The following ZDHHC18 variants were observed in gnomAD, a reference collection of about 807,000 sequenced individuals.
The protein encoded by ZDHHC18 is palmitoyltransferase ZDHHC18.
In ZDHHC18, 23 loss-of-function variants were observed where a neutral mutation model predicts 37.5. That is an observed-to-expected ratio of 0.61 (90% CI 0.44 to 0.87). ZDHHC18 has a LOEUF of 0.87. Ranked by LOEUF, ZDHHC18 falls within the 40% of genes least tolerant of loss-of-function variation. The probability of loss-of-function intolerance (pLI) is 0.00; values close to 1 mark genes in which losing one functional copy is unlikely to be tolerated. For synonymous variants in ZDHHC18, 185 were observed against 218.7 expected (o/e 0.85, Z 1.36); for missense variants, 406 against 525.6 (o/e 0.77, Z 2.22).
intron 2 of ZDHHC18, among the ~76,000 whole-genome samples, chr1:26,845,631 C>A (rs542975368): frequency 1.1e-3 from 162 of 152,050 alleles, no homozygotes; most frequent in Non-Finnish European, 2.0e-3. Context: ...CCGCGCCCGG[C>A]CTCATTCTTT....
At chr1:26,851,330 G>C (rs2081703137) in intron 6 of ZDHHC18, 99 bp downstream of exon 6, 3 of 1,145,246 alleles carry the variant, frequency 2.6e-6, no homozygotes, top group South Asian at 2.5e-5. Context: ...CCTGACTCAC[G>C]GACTGCTGGG....
At position 26,826,933 on chromosome 1, in the gene ZDHHC18, C is replaced by G. The variant is rs1195705710; in HGVS notation, c.129C>G (p.Pro43=). The G allele has an allele frequency of 3.6e-6, 4 of 1,096,830 alleles. No individual in the cohort carries two copies. The highest frequency in any genetic ancestry group is 3.3e-6 in the Non-Finnish European group (3 of 902,324). The allele number at this position is 1,096,830 out of a possible 1,614,324, so 67.9% of individuals were successfully genotyped here. ...CCGGGCCCGCGCCGCCCGCCGCCCC[C>G]GCCCCGCCGCGCTGGAGCAGCAGCG... ...PGPGPAPPAA[P]APPRWSSSGS... The change falls in exon 1 of 8, where the codon CCC becomes CCG. Residue 43 remains proline, a synonymous_variant. Coordinates refer to ENST00000374142, the MANE Select transcript of ZDHHC18 (RefSeq NM_032283.3). The surrounding 1 kb of genome is among the most constrained non-coding windows in gnomAD (Gnocchi z 5.2).
Position 26,836,572 on chromosome 1 carries a change from CT to C in ZDHHC18, c.496+3979del, listed in dbSNP as rs753110980. 3.8e-3 allele frequency among the ~76,000 whole-genome samples: 525 copies of C among 139,322 alleles called. 1 individual carries two copies. Among genetic ancestry groups the C allele is most frequent in the African/African-American group, 0.01 (384 of 38,142 alleles). The allele number at this position is 139,322 out of a possible 152,430, so 91.4% of individuals were successfully genotyped here. ...TTCATTTCTTTTTTTTTCTTTTTTTCTTTTTTTTTTTTTTGAGACGGAGTCT... is the reference window on the plus strand; with the variant it reads ...TTCATTTCTTTTTTTTTCTTTTTTTCTTTTTTTTTTTTTGAGACGGAGTCT... On this transcript the variant is annotated intron_variant, in intron 2 of 7. Transcript: ENST00000374142.
Position 26,839,701 on chromosome 1 carries a change from C to T in ZDHHC18, c.496+7094C>T, listed in dbSNP as rs565296443. ...AGGAATGTCAGCACACTTTGTAAGT[C>T]ACTTTTCTCTATTGAAACTGAAGAG... On this transcript the variant is annotated intron_variant, in intron 2 of 7. Coordinates refer to ENST00000374142, the MANE Select transcript of ZDHHC18 (RefSeq NM_032283.3). 3.3e-5 allele frequency among the ~76,000 whole-genome samples: 5 copies of T among 152,358 alleles called. No homozygotes were observed. The South Asian group carries it at 1.0e-3, about 32-fold the overall frequency.
chr1:26,847,312 A>AATG (rs1339829642), intron 2 of ZDHHC18, among the ~76,000 whole-genome samples: 10 of 152,090 alleles, frequency 6.6e-5, no homozygotes, highest in Admixed American at 6.6e-4. Flanking sequence ...CCTGGGCTCA[A>AATG]ATGATCCTCC....
intron 2 of ZDHHC18, among the ~76,000 whole-genome samples, chr1:26,839,764 C>T (rs997690725): frequency 6.6e-6 from 1 of 152,196 alleles, no homozygotes; most frequent in Non-Finnish European, 1.5e-5. Flanking sequence ...AGTGGACTTG[C>T]TCCAGGTGCT....
rs2081592373 is a variant in ZDHHC18 at position 26,832,443 on chromosome 1, C to T, written c.336-4C>T. 1 of 1,614,054 alleles carries T rather than the reference C, an allele frequency of 6.2e-7. No homozygotes were observed. Among genetic ancestry groups the T allele is most frequent in the Non-Finnish European group, 8.5e-7 (1 of 1,179,950 alleles). On this transcript the variant is annotated splice_polypyrimidine_tract_variant and splice_region_variant and intron_variant, in intron 1 of 7. Coordinates refer to ENST00000374142, the MANE Select transcript of ZDHHC18 (RefSeq NM_032283.3). ...TGCTGATCTCTCTCCATCTCTCGTT[C>T]TAGCTGTCCCTACCTGGCTCGCAAG...
intron 2 of ZDHHC18, among the ~76,000 whole-genome samples, chr1:26,846,272 A>ATGTGTGTGTGTGTGTGTG (rs1233342256): frequency 1.2e-4 from 10 of 84,954 alleles, no homozygotes; most frequent in South Asian, 4.1e-4. Context: ...ATAGAGATAT[A>ATGTGTGTGTGTGTGTGTG]TGTGTGTGTG....
chr1:26,852,227 G>T (rs2081708444), intron 6 of ZDHHC18, among the ~76,000 whole-genome samples: 1 of 152,228 alleles, frequency 6.6e-6, no homozygotes, highest in African/African-American at 2.4e-5. Flanking sequence ...CTAGGTTAAA[G>T]TCAAGGTATT....
At chr1:26,837,491 A>ATTTT (rs1480135517) in intron 2 of ZDHHC18, among the ~76,000 whole-genome samples, 2 of 142,758 alleles carry the variant, frequency 1.4e-5, no homozygotes, top group African/African-American at 5.0e-5. Flanking sequence ...TTATTTATTT[A>ATTTT]TTTTTTGAGA....
intron 2 of ZDHHC18, among the ~76,000 whole-genome samples, chr1:26,844,229 G>C (rs1395895430): frequency 6.6e-6 from 1 of 152,008 alleles, no homozygotes; most frequent in African/African-American, 2.4e-5. Context: ...TGTAGAGATG[G>C]GGTTTCACCA....
intron 2 of ZDHHC18, among the ~76,000 whole-genome samples, chr1:26,847,767 C>T (rs2081679323): frequency 6.6e-6 from 1 of 151,294 alleles, no homozygotes; most frequent in African/African-American, 2.4e-5. Flanking sequence ...CTGCAGCCTT[C>T]ACCCCCTGGG....
Position 26,856,094 on chromosome 1 carries a change from G to A in ZDHHC18, c.*2251G>A, listed in dbSNP as rs184423112. ...GACAGTAGATTCCAGTTTGAGAGCC[G>A]GAGCTTCCCTGGCTACCACCTCCAA... On this transcript the variant is annotated 3_prime_UTR_variant, in exon 8 of 8. Coordinates refer to ENST00000374142, the MANE Select transcript of ZDHHC18 (RefSeq NM_032283.3). This position sits in a 1 kb window ranked among gnomAD's most constrained non-coding sequence, Gnocchi z 5.2. The A allele has an allele frequency of 2.6e-4, 106 of 412,000 alleles. No homozygotes were observed. The highest frequency in any genetic ancestry group is 1.2e-3 in the African/African-American group (58 of 49,312). 25.5% of individuals were successfully genotyped at this position (412,000 alleles called of 1,614,324 possible).
chr1:26,840,784 G>T (rs773842505), intron 2 of ZDHHC18, among the ~76,000 whole-genome samples: 1 of 151,966 alleles, frequency 6.6e-6, no homozygotes, highest in Non-Finnish European at 1.5e-5. Flanking sequence ...ACACAGCCTC[G>T]CTCTGTCACC....
At chr1:26,830,094 C>A (rs76405493) in intron 1 of ZDHHC18, among the ~76,000 whole-genome samples, 2,260 of 152,338 alleles carry the variant, frequency 0.015, 51 homozygotes, top group African/African-American at 0.05. Flanking sequence ...AGGGGAAGGG[C>A]TTCTCTGAAG....
Position 26,850,458 on chromosome 1 carries a change from A to G in ZDHHC18, c.784+20A>G. The G allele has an allele frequency of 6.2e-7, 1 of 1,614,202 alleles. No individual in the cohort carries two copies. The highest frequency in any genetic ancestry group is 1.1e-5 in the South Asian group (1 of 91,086). ...CGTTGCGTGAGTTGTGGGTGAGGGC[A>G]GTGGGGAGTGGAAGGGGTCAGCCAG... On this transcript the variant is annotated intron_variant, in intron 4 of 7. Coordinates refer to ENST00000374142, the MANE Select transcript of ZDHHC18 (RefSeq NM_032283.3). This position sits in a 1 kb window ranked among gnomAD's most constrained non-coding sequence, Gnocchi z 6.1.
intron 2 of ZDHHC18, among the ~76,000 whole-genome samples, chr1:26,842,514 C>G (rs1326615500): frequency 1.3e-5 from 2 of 152,228 alleles, no homozygotes; most frequent in Non-Finnish European, 2.9e-5. Flanking sequence ...GCTATTCTAC[C>G]TGTTATTCCT....
In ZDHHC18 at chr1:26,826,948, GAGCAGC is replaced by G. The variant is rs1012137655; in HGVS notation, c.148_153del (p.Ser50_Ser51del). ...CCGCCGCCCCCGCCCCGCCGCGCTG[GAGCAGC>G]AGCGGCAGCGGCAGCGGCAGCGGGA... On this transcript the variant is annotated inframe_deletion, in exon 1 of 8. Transcript: ENST00000374142. This position sits in a 1 kb window ranked among gnomAD's most constrained non-coding sequence, Gnocchi z 5.2. 5.7e-5 allele frequency: 67 copies of G among 1,183,288 alleles called. No individual in the cohort carries two copies. The highest frequency in any genetic ancestry group is 6.7e-4 in the Middle Eastern group (2 of 2,972). The allele number at this position is 1,183,288 out of a possible 1,614,324, so 73.3% of individuals were successfully genotyped here. A position where few individuals can be genotyped will look rare whatever the true frequency, so the allele number is the denominator to read the frequency against.
rs1181022368 is a variant in ZDHHC18 at position 26,852,721 on chromosome 1, GTACTT to G, written c.937-31_937-27del. The G allele has an allele frequency of 1.9e-6, 3 of 1,597,102 alleles. No homozygotes were observed. In the South Asian group the frequency reaches 3.3e-5, roughly 18 times the overall value. On this transcript the variant is annotated intron_variant, in intron 6 of 7. Transcript: ENST00000374142. ...TCCTAGAAAAGTGAAGCAAAAGGAG[GTACTT>G]GACCTAGGCCTCCTTCCTGCTTGCA...
Sources: allele counts gnomAD v4.1 joint callset (sites outside exome capture counted in the v4.1 genomes callset), GRCh38; gene constraint gnomAD v4.1.1; non-coding constraint Gnocchi (gnomAD v3.1); transcripts MANE v1.5; gene names NCBI Gene and HGNC (gene_info 2026-07-23, HGNC 2026-07-21).